The following DTD1 variants were observed in gnomAD, a reference collection of about 807,000 sequenced individuals.
The protein encoded by DTD1 is D-tyrosyl-tRNA deacylase 1 homolog.
Under a neutral mutation model 25.6 loss-of-function variants are expected in DTD1, and 13 were observed. The ratio of observed to expected loss-of-function variants is 0.51; its 90% CI spans 0.33 to 0.81. The LOEUF is 0.81. DTD1 is among the 30% of genes least tolerant of loss of function. DTD1 has a pLI of 0.02. For synonymous variants in DTD1, 110 were observed against 103.6 expected, an observed-to-expected ratio of 1.06 and a Z score of -0.37; for missense variants, 193 against 266.4, an observed-to-expected ratio of 0.72 and a Z score of 1.92.
At chr20:18,643,593 AC>A (rs1304927230) in intron 4 of DTD1, 1 of 154,218 alleles carries the variant, frequency 6.5e-6, no homozygotes, top group African/African-American at 2.4e-5. Context: ...ACTTGTTGCT[AC>A]CATCTTGTGT....
chr20:18,651,242 C>A (rs1461650459), intron 4 of DTD1, among the ~76,000 whole-genome samples: 2 of 152,204 alleles, frequency 1.3e-5, no homozygotes, highest in African/African-American at 2.4e-5. Flanking sequence ...ACCTCTGCCT[C>A]CCGGGTTCAA....
intron 4 of DTD1, among the ~76,000 whole-genome samples, chr20:18,673,347 G>A (rs748616890): frequency 1.2e-3 from 176 of 152,114 alleles, no homozygotes; most frequent in Non-Finnish European, 2.1e-3. Context: ...ATATATCTAT[G>A]AATCATATTT....
chr20:18,717,805 G>A (rs913309630), intron 4 of DTD1, among the ~76,000 whole-genome samples: 3 of 152,122 alleles, frequency 2.0e-5, no homozygotes, highest in Admixed American at 2.0e-4. Context: ...AATGTGATCA[G>A]CTAGAACTTC....
chr20:18,635,754 C>T (rs892178133), intron 4 of DTD1, among the ~76,000 whole-genome samples: 1 of 152,166 alleles, frequency 6.6e-6, no homozygotes, highest in African/African-American at 2.4e-5. Context: ...TAAGTCAGCT[C>T]ATAGTGGGCT....
At chr20:18,610,574 G>T (rs1224510713) in intron 3 of DTD1, among the ~76,000 whole-genome samples, 2 of 152,116 alleles carry the variant, frequency 1.3e-5, no homozygotes, top group African/African-American at 4.8e-5. Flanking sequence ...ACAATTTAAT[G>T]CATTTTGGAA....
intron 4 of DTD1, among the ~76,000 whole-genome samples, chr20:18,637,472 G>T (rs1384430747): frequency 6.6e-6 from 1 of 152,192 alleles, no homozygotes; most frequent in African/African-American, 2.4e-5. Flanking sequence ...GGAGAGATGA[G>T]CCCAACATGT....
Position 18,596,009 on chromosome 20 carries a change from C to T in DTD1, c.138C>T (p.Val46=). ...TCACTGCTCTTTTTCCCCTTAGGGTCCGAAAGATTCTAAACCTGCGTGTAT... is the reference window on the plus strand; with the variant it reads ...TCACTGCTCTTTTTCCCCTTAGGGTTCGAAAGATTCTAAACCTGCGTGTAT... The part of the protein sequence containing the change: ...EDTQKELEHM[V]RKILNLRVFE... Residue 46 remains valine, a synonymous_variant, in exon 3 of 6, where the codon GTC becomes GTT. Coordinates refer to ENST00000377452, the MANE Select transcript of DTD1 (RefSeq NM_080820.6). 6.2e-7 allele frequency: 1 copy of T among 1,613,964 alleles called. No individual in the cohort carries two copies. Among genetic ancestry groups the T allele is most frequent in the Non-Finnish European group, 8.5e-7 (1 of 1,179,904 alleles).
intron 4 of DTD1, among the ~76,000 whole-genome samples, chr20:18,635,235 C>T (rs549622725): frequency 7.2e-5 from 11 of 152,340 alleles, no homozygotes; most frequent in Non-Finnish European, 1.2e-4. Context: ...ATTGAACAAA[C>T]GCTGACTGAG....
chr20:18,743,100 A>G (rs992590226), intron 4 of DTD1, among the ~76,000 whole-genome samples: 1 of 152,172 alleles, frequency 6.6e-6, no homozygotes, highest in African/African-American at 2.4e-5. Flanking sequence ...GTGTTAGATG[A>G]TGGAAGCTTC....
chr20:18,660,552 A>T (rs1198367111), intron 4 of DTD1, among the ~76,000 whole-genome samples: 2 of 152,178 alleles, frequency 1.3e-5, no homozygotes, highest in Admixed American at 6.5e-5. Flanking sequence ...GCAAAGCAGA[A>T]ACTGAAAGAA....
chr20:18,696,519 G>T (rs1032358991), intron 4 of DTD1, among the ~76,000 whole-genome samples: 1 of 152,062 alleles, frequency 6.6e-6, no homozygotes, highest in Non-Finnish European at 1.5e-5. Context: ...GTCTAGAAAA[G>T]GTCACTATGC....
chr20:18,595,998 C>A lies in DTD1; in HGVS notation c.135-8C>A. On this transcript the variant is annotated splice_polypyrimidine_tract_variant and splice_region_variant and intron_variant, in intron 2 of 5. Transcript: ENST00000377452. Reference sequence around the variant, plus strand: ...TCAGGTAGCTCTCACTGCTCTTTTTCCCCTTAGGGTCCGAAAGATTCTAAA... The same window carrying A: ...TCAGGTAGCTCTCACTGCTCTTTTTACCCTTAGGGTCCGAAAGATTCTAAA... 1 of 1,612,994 alleles carries A rather than the reference C, an allele frequency of 6.2e-7. No homozygotes were observed. The highest frequency in any genetic ancestry group is 8.5e-7 in the Non-Finnish European group (1 of 1,179,030).
At chr20:18,657,463 A>G (rs140942341) in intron 4 of DTD1, among the ~76,000 whole-genome samples, 1 of 152,238 alleles carries the variant, frequency 6.6e-6, no homozygotes. Flanking sequence ...CAATCTTTCC[A>G]TTTCTCTTGG....
At chr20:18,751,682 T>G (rs2061321746) in intron 5 of DTD1, among the ~76,000 whole-genome samples, 1 of 151,888 alleles carries the variant, frequency 6.6e-6, no homozygotes, top group Admixed American at 6.6e-5. Context: ...TTTGTAGAGA[T>G]AGGGTTTTAA....
At chr20:18,624,062 T>A (rs943640793) in intron 3 of DTD1, among the ~76,000 whole-genome samples, 63 of 152,224 alleles carry the variant, frequency 4.1e-4, no homozygotes, top group Admixed American at 3.6e-3. Flanking sequence ...CCTCACCAAC[T>A]CAGACCAGTC....
chr20:18,691,068 A>G (rs1341847163), intron 4 of DTD1, among the ~76,000 whole-genome samples: 1 of 152,216 alleles, frequency 6.6e-6, no homozygotes, highest in Non-Finnish European at 1.5e-5. Context: ...ATGAGATACC[A>G]TCTCACATCA....
intron 3 of DTD1, among the ~76,000 whole-genome samples, chr20:18,611,696 TGCATGTGCC>T (rs2060687094): frequency 6.6e-6 from 1 of 152,184 alleles, no homozygotes; most frequent in Non-Finnish European, 1.5e-5. Context: ...CCTGCTGTGA[TGCATGTGCC>T]CACAGCAGGC....
intron 4 of DTD1, among the ~76,000 whole-genome samples, chr20:18,729,609 T>G (rs527373540): frequency 3.0e-4 from 46 of 152,384 alleles, no homozygotes; most frequent in African/African-American, 1.0e-3. Flanking sequence ...ATTAGAGCCC[T>G]TTGGCAAAGC....
intron 4 of DTD1, among the ~76,000 whole-genome samples, chr20:18,680,642 G>C (rs1452358280): frequency 6.6e-6 from 1 of 152,088 alleles, no homozygotes; most frequent in Non-Finnish European, 1.5e-5. Context: ...TGTGGCTCCT[G>C]ATTCCAATGT....
Sources: gnomAD v4.1 joint callset for allele counts (sites outside exome capture counted in the v4.1 genomes callset) on GRCh38, gnomAD v4.1.1 for gene constraint, MANE v1.5 for transcripts, NCBI Gene and HGNC (gene_info 2026-07-23, HGNC 2026-07-21) for gene names.